Variants in ZFHX3 observed in about 807,000 individuals in gnomAD.
The protein encoded by ZFHX3 is zinc finger homeobox protein 3.
ZFHX3 carries 42 observed loss-of-function variants against 279.1 expected under a neutral mutation model. The observed-to-expected ratio is 0.15, with a 90% CI of 0.12 to 0.19. ZFHX3 has a LOEUF of 0.19. Among genes scored for constraint, ZFHX3 ranks in the 10% least tolerant of loss-of-function variants. ZFHX3 has a pLI of 1.00. For synonymous variants in ZFHX3, 2,293 were observed against 1,957.8 expected, an observed-to-expected ratio of 1.17 and a Z score of -4.52; for missense variants, 4,981 against 4,754.0, an observed-to-expected ratio of 1.05 and a Z score of -1.40.
At chr16:73,122,695 G>A (rs1406749832) in intron 7 of ZFHX3, among the ~76,000 whole-genome samples, 1 of 152,148 alleles carries the variant, frequency 6.6e-6, no homozygotes, top group African/African-American at 2.4e-5. Flanking sequence ...TGGGCACAGA[G>A]CAGGAGTCAG....
In ZFHX3 at chr16:73,679,128, A is replaced by AT. The variant is rs34713247; in HGVS notation, c.-1547+1051dup. On this transcript the variant is annotated intron_variant, in intron 2 of 17. Coordinates refer to the ZFHX3 transcript ENST00000641206. Reference sequence around the variant, plus strand: ...TAAGTCAATCCCTCCAGAGGGGCTTATTTTTTTTTTTAATGGAAACCAGCT... The same window carrying AT: ...TAAGTCAATCCCTCCAGAGGGGCTTATTTTTTTTTTTTAATGGAAACCAGCT... Among the ~76,000 whole-genome samples the AT allele has an allele frequency of 5.1e-3, 770 of 149,586 alleles. 9 individuals carry two copies. Among genetic ancestry groups the AT allele is most frequent in the African/African-American group, 0.017 (686 of 40,714 alleles).
At chr16:72,986,477 G>A (rs137933183) in intron 1 of ZFHX3, among the ~76,000 whole-genome samples, 3 of 152,158 alleles carry the variant, frequency 2.0e-5, no homozygotes, top group East Asian at 1.9e-4. Context: ...ATGCATTTCC[G>A]CCAACACTAC....
chr16:73,793,090 G>C (rs185988700), intron 1 of ZFHX3, among the ~76,000 whole-genome samples: 12 of 152,176 alleles, frequency 7.9e-5, no homozygotes, highest in Non-Finnish European at 1.6e-4. Flanking sequence ...TGAAAATTAA[G>C]CCAAATTTCC....
chr16:73,429,324 A>T (rs1043780231), intron 3 of ZFHX3, among the ~76,000 whole-genome samples: 1 of 151,936 alleles, frequency 6.6e-6, no homozygotes, highest in African/African-American at 2.4e-5. Flanking sequence ...GGAAATAAAG[A>T]CCTTCAGATA....
chr16:73,780,532 G>A (rs747013521), intron 1 of ZFHX3, among the ~76,000 whole-genome samples: 38 of 150,740 alleles, frequency 2.5e-4, no homozygotes, highest in Admixed American at 1.9e-3. Context: ...AACCTCTGAC[G>A]CCTGGGTTCA....
chr16:72,802,040 G>C (rs2036118255), intron 7 of ZFHX3, among the ~76,000 whole-genome samples: 1 of 152,010 alleles, frequency 6.6e-6, no homozygotes, highest in Non-Finnish European at 1.5e-5. Context: ...GCCCTACAGA[G>C]TAAAAAAGAA....
rs2035393997 is a variant in ZFHX3, at chr16:72,786,772, C to G, written c.*392G>C. On this transcript the variant is annotated 3_prime_UTR_variant, in exon 10 of 10. Transcript: ENST00000268489. ...TAACAAGGTGGACTGCTTTCCCATA[C>G]AGTGCATGCCGGGCTCCTCTGTGCT... 1 of 153,200 alleles carries G rather than the reference C, an allele frequency of 6.5e-6. No individual in the cohort carries two copies. Among genetic ancestry groups the G allele is most frequent in the Non-Finnish European group, 1.5e-5 (1 of 68,548 alleles). 9.5% of individuals were successfully genotyped at this position (153,200 alleles called of 1,614,324 possible). A position where few individuals can be genotyped will look rare whatever the true frequency, so the allele number is the denominator to read the frequency against.
intron 5 of ZFHX3, among the ~76,000 whole-genome samples, chr16:73,153,917 G>A (rs1967010942): frequency 6.6e-6 from 1 of 151,916 alleles, no homozygotes; most frequent in African/African-American, 2.4e-5. Context: ...TAAGGACAAG[G>A]ATGGTCTTCA....
At chr16:73,101,967 G>A (rs1402140128) in intron 7 of ZFHX3, among the ~76,000 whole-genome samples, 1 of 144,708 alleles carries the variant, frequency 6.9e-6, no homozygotes, top group African/African-American at 2.6e-5. Context: ...AGGCTGGCGT[G>A]CACTGGCGCC....
intron 3 of ZFHX3, among the ~76,000 whole-genome samples, chr16:73,374,776 A>C (rs572442192): frequency 6.6e-6 from 1 of 152,344 alleles, no homozygotes; most frequent in Non-Finnish European, 1.5e-5. Context: ...TTAGTGCTAT[A>C]GAGTTTCACA....
chr16:73,220,419 A>T (rs993907709), intron 5 of ZFHX3, among the ~76,000 whole-genome samples: 9 of 152,176 alleles, frequency 5.9e-5, no homozygotes, highest in East Asian at 3.9e-4. Flanking sequence ...AGCTAGGTGA[A>T]ATGTAAACCA....
chr16:73,171,320 G>A (rs1967517329), intron 5 of ZFHX3, among the ~76,000 whole-genome samples: 1 of 152,118 alleles, frequency 6.6e-6, no homozygotes, highest in South Asian at 2.1e-4. Context: ...AAATGCCGAG[G>A]TATCTTCAAG....
At chr16:73,805,763 C>A (rs779495686) in intron 1 of ZFHX3, among the ~76,000 whole-genome samples, 2 of 152,100 alleles carry the variant, frequency 1.3e-5, no homozygotes, top group Non-Finnish European at 2.9e-5. Flanking sequence ...AAAAGATGCA[C>A]GTATAATATA....
At chr16:73,838,507 C>T (rs1961204344) in intron 1 of ZFHX3, among the ~76,000 whole-genome samples, 1 of 152,096 alleles carries the variant, frequency 6.6e-6, no homozygotes. Flanking sequence ...TGGAGAACTT[C>T]AATGAATACT....
chr16:73,208,857 T>C (rs1207696912), intron 5 of ZFHX3, among the ~76,000 whole-genome samples: 2 of 152,212 alleles, frequency 1.3e-5, no homozygotes, highest in Non-Finnish European at 2.9e-5. Context: ...ACAGTGAAAG[T>C]CTTTTTATCA....
chr16:73,697,383 C>G (rs1035568191), intron 1 of ZFHX3, among the ~76,000 whole-genome samples: 5 of 152,180 alleles, frequency 3.3e-5, no homozygotes, highest in Non-Finnish European at 7.4e-5. Context: ...AGTTTCAAAA[C>G]ACAGATGCAG....
intron 2 of ZFHX3, among the ~76,000 whole-genome samples, chr16:73,580,040 A>C (rs1269746680): frequency 6.7e-6 from 1 of 149,760 alleles, no homozygotes; most frequent in African/African-American, 2.5e-5. Flanking sequence ...ACAGTATATA[A>C]AAAATTTACC....
chr16:73,141,482 C>G (rs1966847705), intron 6 of ZFHX3, among the ~76,000 whole-genome samples: 1 of 151,590 alleles, frequency 6.6e-6, no homozygotes, highest in African/African-American at 2.4e-5. Context: ...ATTATAGCCT[C>G]GAACTCCTGG....
At chr16:73,597,352 C>T (rs1038204397) in intron 2 of ZFHX3, among the ~76,000 whole-genome samples, 2 of 152,164 alleles carry the variant, frequency 1.3e-5, no homozygotes, top group African/African-American at 2.4e-5. Flanking sequence ...TTTAGGTTTG[C>T]CTTCTCTCAC....
Sources: allele counts gnomAD v4.1 joint callset (sites outside exome capture counted in the v4.1 genomes callset), GRCh38; gene constraint gnomAD v4.1.1; transcripts MANE v1.5; gene names NCBI Gene and HGNC (gene_info 2026-07-23, HGNC 2026-07-21).